The following PDE10A variants were observed in gnomAD, a reference collection of about 807,000 sequenced individuals.
The protein encoded by PDE10A is phosphodiesterase 10A, also known as cAMP and cAMP-inhibited cGMP 3',5'-cyclic phosphodiesterase 10A.
Under a neutral mutation model 97.7 loss-of-function variants are expected in PDE10A, and 39 were observed. The observed-to-expected ratio is 0.40, with a 90% CI of 0.31 to 0.52. PDE10A has a LOEUF of 0.52. PDE10A is among the 20% of genes least tolerant of loss of function. PDE10A has a pLI of 0.56. For synonymous variants in PDE10A, 371 were observed against 376.8 expected, an observed-to-expected ratio of 0.98 and a Z score of 0.18; for missense variants, 731 against 1,047.8, an observed-to-expected ratio of 0.70 and a Z score of 4.17.
intron 1 of PDE10A, among the ~76,000 whole-genome samples, chr6:165,801,610 G>A (rs1168306170): frequency 1.3e-5 from 2 of 152,192 alleles, no homozygotes; most frequent in Middle Eastern, 3.2e-3. Context: ...GAATTATTAG[G>A]ACATGTTAAT....
At chr6:165,569,921 A>C (rs969729962) in intron 1 of PDE10A, among the ~76,000 whole-genome samples, 4 of 152,240 alleles carry the variant, frequency 2.6e-5, no homozygotes, top group African/African-American at 9.6e-5. Context: ...AAAACTTTCC[A>C]ATGTAAACTA....
chr6:165,904,862 T>C (rs192728620), intron 1 of PDE10A, among the ~76,000 whole-genome samples: 9 of 152,332 alleles, frequency 5.9e-5, no homozygotes, highest in African/African-American at 2.2e-4. Flanking sequence ...CAGCATAAAA[T>C]TGGTCACATT....
At chr6:165,485,023 T>C (rs569692590) in intron 2 of PDE10A, among the ~76,000 whole-genome samples, 1 of 152,302 alleles carries the variant, frequency 6.6e-6, no homozygotes, top group Admixed American at 6.5e-5. Context: ...CTGCATTTAA[T>C]AGAAAATAAC....
rs757488911 is a variant in PDE10A at position 165,330,132 on chromosome 6, G to C, written c.*2893C>G. 8.5e-5 allele frequency: 13 copies of C among 152,098 alleles called. No homozygotes were observed. Among genetic ancestry groups the C allele is most frequent in the Admixed American group, 7.9e-4 (12 of 15,264 alleles). The allele number at this position is 152,098 out of a possible 1,614,324, so 9.4% of individuals were successfully genotyped here. ...ATAATTGCATATGACCATAAAACTT[G>C]TCTATTATAAACCAACATAACCAAC... is the stretch of plus-strand genomic sequence containing the variant. On this transcript the variant is annotated 3_prime_UTR_variant, in exon 22 of 22. Transcript: ENST00000539869.
intron 1 of PDE10A, among the ~76,000 whole-genome samples, chr6:165,560,477 A>G (rs2128337188): frequency 6.6e-6 from 1 of 151,750 alleles, no homozygotes; most frequent in Admixed American, 6.6e-5. Flanking sequence ...TGAGCAAATC[A>G]AATAGTTACA....
intron 1 of PDE10A, among the ~76,000 whole-genome samples, chr6:165,727,571 C>T (rs4072990): frequency 0.51 from 76,992 of 151,640 alleles, 19,591 homozygotes; most frequent in African/African-American, 0.54. Flanking sequence ...GGGAGTGCAC[C>T]AGCTCACCAG....
Position 165,336,130 on chromosome 6 carries a change from C to T in PDE10A, c.3058G>A (p.Ala1020Thr). Residue 1020 changes from alanine (A) to threonine (T), a missense_variant, in exon 21 of 22, where the codon GCA becomes ACA. Physicochemically the swap from Ala to Thr is moderately conservative, Grantham distance 58. Around this residue, in one of 8 missense-constraint regions of PDE10A, gnomAD observed 96 missense variants for 156.7 expected, o/e 0.61. Coordinates refer to ENST00000539869, the MANE Select transcript of PDE10A (RefSeq NM_001385079.1). ...ILPPTEPLLK[A>T]CRDNLSQWEK... ...TTGAACCATAGTACATACCTGCATG[C>T]TTTCAGAAGAGGCTCCGTGGGAGGG... is the stretch of plus-strand genomic sequence containing the variant. The T allele has an allele frequency of 6.2e-7, 1 of 1,610,676 alleles. No individual in the cohort carries two copies. The highest frequency in any genetic ancestry group is 8.5e-7 in the Non-Finnish European group (1 of 1,177,004).
At chr6:165,514,545 T>C (rs1781680985) in intron 2 of PDE10A, among the ~76,000 whole-genome samples, 1 of 152,176 alleles carries the variant, frequency 6.6e-6, no homozygotes, top group Non-Finnish European at 1.5e-5. Context: ...TTCTCCAGTT[T>C]CCACTGCACA....
At chr6:165,369,247 G>C (rs909477252) in intron 18 of PDE10A, among the ~76,000 whole-genome samples, 16 of 152,302 alleles carry the variant, frequency 1.1e-4, no homozygotes, top group Admixed American at 7.8e-4. Flanking sequence ...TTGACGAGCT[G>C]AGAGCAGAAG....
intron 1 of PDE10A, among the ~76,000 whole-genome samples, chr6:165,912,777 G>A (rs1782497990): frequency 6.6e-6 from 1 of 152,214 alleles, no homozygotes; most frequent in South Asian, 2.1e-4. Context: ...ATTACTCAGT[G>A]GATAAATGTG....
In PDE10A at chr6:165,958,547, AAGAAAGAAAGAAAGAAAGAC is replaced by A. The variant is rs1311818041; in HGVS notation, c.-615+28962_-615+28981del. 2.3e-3 allele frequency among the ~76,000 whole-genome samples: 189 copies of A among 82,754 alleles called. 5 individuals carry two copies. The highest frequency in any genetic ancestry group is 8.5e-3 in the African/African-American group (184 of 21,740). The allele number at this position is 82,754 out of a possible 152,430, so 54.3% of individuals were successfully genotyped here. On this transcript the variant is annotated intron_variant, in intron 1 of 19. Coordinates refer to the PDE10A transcript ENST00000366882. ...AAAGAAAGAAAGAAAGAAAGAAAGA[AAGAAAGAAAGAAAGAAAGAC>A]AGACAGAAAGAAAGACAGAAAGAGA...
intron 10 of PDE10A, among the ~76,000 whole-genome samples, chr6:165,426,920 GAGAT>G (rs1789202849): frequency 6.6e-6 from 1 of 152,094 alleles, no homozygotes; most frequent in Admixed American, 6.6e-5. Flanking sequence ...AAACCACACT[GAGAT>G]AGCACTTTAC....
rs774230795 is a variant in PDE10A, at chr6:165,388,130, T to C, written c.2610+168A>G. On this transcript the variant is annotated intron_variant, in intron 17 of 21. Coordinates refer to ENST00000539869, the MANE Select transcript of PDE10A (RefSeq NM_001385079.1). The surrounding 1 kb of genome is among the most constrained non-coding windows in gnomAD (Gnocchi z 4.0). ...CAAATTATTTGTAAAGGATTCTTTA[T>C]GCAAAAAACACTATTATTTAATGAT... 3.3e-5 allele frequency among the ~76,000 whole-genome samples: 5 copies of C among 152,222 alleles called. No individual in the cohort carries two copies. Among genetic ancestry groups the C allele is most frequent in the African/African-American group, 4.8e-5 (2 of 41,458 alleles).
intron 1 of PDE10A, among the ~76,000 whole-genome samples, chr6:165,945,131 T>A (rs1783725468): frequency 6.6e-6 from 1 of 152,198 alleles, no homozygotes; most frequent in Non-Finnish European, 1.5e-5. Flanking sequence ...ACATTGCAGC[T>A]TCTGACTTGG....
At chr6:165,410,913 C>T (rs1416905883) in intron 13 of PDE10A, among the ~76,000 whole-genome samples, 11 of 96,002 alleles carry the variant, frequency 1.1e-4, no homozygotes, top group Non-Finnish European at 2.0e-4. Flanking sequence ...ACGGTGAAAC[C>T]CCGTCTCTAC....
At chr6:165,550,349 T>C (rs1271639757) in intron 1 of PDE10A, among the ~76,000 whole-genome samples, 1 of 152,220 alleles carries the variant, frequency 6.6e-6, no homozygotes, top group African/African-American at 2.4e-5. Context: ...AATTTTGTAA[T>C]TTCTTCTGTG....
chr6:165,543,105 A>G (rs1035772884), intron 2 of PDE10A, among the ~76,000 whole-genome samples: 14 of 152,176 alleles, frequency 9.2e-5, no homozygotes, highest in Admixed American at 7.9e-4. Context: ...TCTTTGAAAT[A>G]CATACTATGA....
intron 1 of PDE10A, among the ~76,000 whole-genome samples, chr6:165,892,582 C>T (rs1781835155): frequency 6.6e-6 from 1 of 152,214 alleles, no homozygotes; most frequent in South Asian, 2.1e-4. Context: ...CCTTGGACTT[C>T]CGGCTGTGTT....
At chr6:165,401,244 G>A (rs1384832717) in intron 13 of PDE10A, among the ~76,000 whole-genome samples, 3 of 152,084 alleles carry the variant, frequency 2.0e-5, no homozygotes, top group Non-Finnish European at 4.4e-5. Flanking sequence ...TTGTATACAT[G>A]ACATATAAAT....
Sources: gnomAD v4.1 joint callset for allele counts (sites outside exome capture counted in the v4.1 genomes callset) on GRCh38, gnomAD v4.1.1 for gene constraint, gnomAD v4.1.1 regional missense constraint, Gnocchi (gnomAD v3.1) non-coding constraint, MANE v1.5 for transcripts, NCBI Gene and HGNC (gene_info 2026-07-23, HGNC 2026-07-21) for gene names.